The following CALN1 variants were observed in gnomAD, a reference collection of about 807,000 sequenced individuals.
CALN1 encodes calcium-binding protein 8.
CALN1 carries 17 observed loss-of-function variants against 30.6 expected under a neutral mutation model. The ratio of observed to expected loss-of-function variants is 0.56; its 90% CI spans 0.38 to 0.83. The LOEUF is 0.83. CALN1 is among the 40% of genes least tolerant of loss of function. CALN1 has a pLI of 0.00. For missense variants in CALN1, 291 were observed against 354.9 expected (o/e 0.82, Z 1.45); for synonymous variants, 156 against 131.4 (o/e 1.19, Z -1.28).
intron 2 of CALN1, among the ~76,000 whole-genome samples, chr7:72,348,888 A>T (rs1441617387): frequency 6.6e-6 from 1 of 152,106 alleles, no homozygotes; most frequent in African/African-American, 2.4e-5. Flanking sequence ...ACAACATAAC[A>T]CCCACAGTGT....
At chr7:72,370,172 AT>A (rs1804141387) in intron 2 of CALN1, among the ~76,000 whole-genome samples, 2 of 152,212 alleles carry the variant, frequency 1.3e-5, no homozygotes, top group African/African-American at 4.8e-5. Flanking sequence ...AAAGTATGTA[AT>A]GACATCTCAT....
chr7:72,216,292 G>A (rs578178165), intron 3 of CALN1, among the ~76,000 whole-genome samples: 6 of 152,046 alleles, frequency 3.9e-5, no homozygotes, highest in African/African-American at 1.4e-4. Context: ...TGAGCGTGGT[G>A]GTGTGCACCT....
the CALN1 span, among the ~76,000 whole-genome samples, chr7:72,493,467 T>C: frequency 6.6e-6 from 1 of 151,914 alleles, no homozygotes; most frequent in South Asian, 2.1e-4. Flanking sequence ...GCCTCCCGAG[T>C]ACCTAGGACT....
chr7:72,384,497 G>C (rs2129561035), intron 2 of CALN1, among the ~76,000 whole-genome samples: 1 of 152,230 alleles, frequency 6.6e-6, no homozygotes, highest in African/African-American at 2.4e-5. Context: ...AATGGGGCTT[G>C]GTGTTGTGTG....
intron 3 of CALN1, among the ~76,000 whole-genome samples, chr7:72,210,572 G>A (rs141103270): frequency 7.5e-4 from 114 of 152,110 alleles, no homozygotes; most frequent in African/African-American, 2.2e-3. Flanking sequence ...GGCGAAGGGG[G>A]AGCAGGCACC....
At chr7:72,326,899 A>C (rs1801317702) in intron 2 of CALN1, among the ~76,000 whole-genome samples, 1 of 152,148 alleles carries the variant, frequency 6.6e-6, no homozygotes, top group African/African-American at 2.4e-5. Flanking sequence ...GAGCTAACCA[A>C]GGTTCCTCTT....
intron 3 of CALN1, among the ~76,000 whole-genome samples, chr7:72,116,413 A>G (rs1479230041): frequency 6.6e-6 from 1 of 152,196 alleles, no homozygotes; most frequent in Non-Finnish European, 1.5e-5. Flanking sequence ...GAGCTGGAGG[A>G]GAGAAAGATG....
chr7:72,237,921 C>A (rs564349663), intron 3 of CALN1, among the ~76,000 whole-genome samples: 1 of 152,300 alleles, frequency 6.6e-6, no homozygotes, highest in South Asian at 2.1e-4. Context: ...CTGCCTGGCA[C>A]TGTTGACAGC....
Position 72,073,625 on chromosome 7 carries a change from TTCTC to T in CALN1, c.388+32522_388+32525del, listed in dbSNP as rs763442144. Among the ~76,000 whole-genome samples the T allele has an allele frequency of 4.6e-3, 692 of 151,708 alleles. 5 individuals carry two copies. Among genetic ancestry groups the T allele is most frequent in the African/African-American group, 0.015 (622 of 41,380 alleles). On this transcript the variant is annotated intron_variant, in intron 4 of 6. Coordinates refer to ENST00000395275, the MANE Select transcript of CALN1 (RefSeq NM_031468.4). Reference sequence around the variant, plus strand: ...TGCATTTAGTCCTTTCTTTCTTTCTTTCTCTCTGTCTTTTTCCTTCCTGTCTTCC... The same window carrying T: ...TGCATTTAGTCCTTTCTTTCTTTCTTTCTGTCTTTTTCCTTCCTGTCTTCC...
chr7:72,337,001 C>T (rs898613763), intron 2 of CALN1: 20 of 985,506 alleles, frequency 2.0e-5, no homozygotes, highest in Non-Finnish European at 2.4e-5. Flanking sequence ...TTGTCCTCTG[C>T]TCTCGTCTGG....
intron 2 of CALN1, among the ~76,000 whole-genome samples, chr7:72,388,079 G>T (rs1187852674): frequency 6.6e-6 from 1 of 152,080 alleles, no homozygotes; most frequent in Non-Finnish European, 1.5e-5. Context: ...ACGCAAAATT[G>T]CTTTTGCACC....
chr7:72,157,032 A>T (rs1369578449), intron 3 of CALN1, among the ~76,000 whole-genome samples: 1 of 152,224 alleles, frequency 6.6e-6, no homozygotes, highest in Non-Finnish European at 1.5e-5. Context: ...CATAAACGCC[A>T]GTCAAATTGA....
chr7:72,080,078 T>C (rs115541549), intron 4 of CALN1, among the ~76,000 whole-genome samples: 3,286 of 152,194 alleles, frequency 0.022, 110 homozygotes, highest in African/African-American at 0.075. Flanking sequence ...GCCCAAGAGG[T>C]TGCCTTTTGA....
chr7:71,917,503 A>C (rs1327394614), intron 5 of CALN1, among the ~76,000 whole-genome samples: 1 of 152,206 alleles, frequency 6.6e-6, no homozygotes, highest in Non-Finnish European at 1.5e-5. Context: ...GTCCATTCTC[A>C]CACTGCTATA....
At position 72,323,822 on chromosome 7, in the gene CALN1, T is replaced by C. The variant is rs149494056; in HGVS notation, c.120-45012A>G. 3.9e-3 allele frequency among the ~76,000 whole-genome samples: 594 copies of C among 152,100 alleles called. 4 individuals carry two copies. Among genetic ancestry groups the C allele is most frequent in the Non-Finnish European group, 4.0e-3 (273 of 67,988 alleles). ...ACTTTGGGAGGCTGAGGTGGGTGGATTGCTTGAGTCCAAGATTTTGAGACT... is the reference window on the plus strand; with the variant it reads ...ACTTTGGGAGGCTGAGGTGGGTGGACTGCTTGAGTCCAAGATTTTGAGACT... On this transcript the variant is annotated intron_variant, in intron 2 of 6. Coordinates refer to ENST00000395275, the MANE Select transcript of CALN1 (RefSeq NM_031468.4).
chr7:72,356,718 C>T (rs1803253693), intron 2 of CALN1, among the ~76,000 whole-genome samples: 1 of 151,898 alleles, frequency 6.6e-6, no homozygotes, highest in Admixed American at 6.6e-5. Flanking sequence ...ATCTGATTGA[C>T]ATAGTAAATA....
chr7:72,097,260 T>A (rs1806300518), intron 4 of CALN1, among the ~76,000 whole-genome samples: 1 of 152,094 alleles, frequency 6.6e-6, no homozygotes, highest in African/African-American at 2.4e-5. Context: ...TACACATACA[T>A]AACAAACCTG....
intron 4 of CALN1, among the ~76,000 whole-genome samples, chr7:72,058,656 T>C (rs1433147912): frequency 6.6e-6 from 1 of 152,150 alleles, no homozygotes; most frequent in African/African-American, 2.4e-5. Context: ...CAAGAGTGTC[T>C]GTCCACACCC....
intron 5 of CALN1, among the ~76,000 whole-genome samples, chr7:71,866,918 G>A (rs1435856218): frequency 6.6e-6 from 1 of 152,190 alleles, no homozygotes. Context: ...GCCGAAATGA[G>A]TGGATCACTT....
Sources: allele counts gnomAD v4.1 joint callset (sites outside exome capture counted in the v4.1 genomes callset), GRCh38; gene constraint gnomAD v4.1.1; transcripts MANE v1.5; gene names NCBI Gene and HGNC (gene_info 2026-07-23, HGNC 2026-07-21).